The following CRYL1 variants were observed in gnomAD, a reference collection of about 807,000 sequenced individuals.
CRYL1 encodes the protein lambda-crystallin homolog.
In CRYL1, 29 loss-of-function variants were observed where a neutral mutation model predicts 36.6. The observed-to-expected ratio is 0.79, with a 90% CI of 0.59 to 1.08. The LOEUF (loss-of-function observed/expected upper bound fraction) is 1.08. Ranked by LOEUF, CRYL1 falls within the 50% of genes least tolerant of loss-of-function variation. The pLI is 0.00. For missense variants in CRYL1, 411 were observed against 407.9 expected (o/e 1.01, Z -0.06); for synonymous variants, 152 against 151.5 (o/e 1.00, Z -0.02).
chr13:20,506,989 C>T (rs958265512), intron 2 of CRYL1, among the ~76,000 whole-genome samples: 1 of 152,162 alleles, frequency 6.6e-6, no homozygotes, highest in Non-Finnish European at 1.5e-5. Context: ...ATTCTCATAA[C>T]AGTGAATAAG....
intron 3 of CRYL1, among the ~76,000 whole-genome samples, chr13:20,451,162 A>G (rs904689846): frequency 2.0e-4 from 30 of 152,146 alleles, no homozygotes; most frequent in Non-Finnish European, 4.4e-4. Context: ...ATACATATGT[A>G]ACAAACCTGC....
chr13:20,467,030 C>G lies in CRYL1; in HGVS notation c.276+22340G>C, dbSNP rs1472171933. 5.3e-5 allele frequency among the ~76,000 whole-genome samples: 8 copies of G among 151,694 alleles called. No individual in the cohort carries two copies. In the East Asian group the frequency reaches 1.5e-3, roughly 29 times the overall value. On this transcript the variant is annotated intron_variant, in intron 3 of 7. Transcript: ENST00000298248. ...TGGTGTGATCTTGGCTCACTGGAAG[C>G]TCTGCCTCCCGCGTTCACACCATTC...
rs1479133334 is a variant in CRYL1, at chr13:20,415,202, G to A, written c.634-1815C>T. Among the ~76,000 whole-genome samples the A allele has an allele frequency of 1.3e-5, 2 of 152,184 alleles. No individual in the cohort carries two copies. The highest frequency in any genetic ancestry group is 2.1e-4 in the South Asian group (1 of 4,838). ...CCAGAAGGCCGTCTCCAAGCTGGGG[G>A]CTTGCTCCGCCCGGAGGGCTCTGCG... On this transcript the variant is annotated intron_variant, in intron 5 of 7. Coordinates refer to ENST00000298248, the MANE Select transcript of CRYL1 (RefSeq NM_015974.3). This position sits in a 1 kb window ranked among gnomAD's most constrained non-coding sequence, Gnocchi z 4.1.
chr13:20,480,494 C>T (rs1042419936), intron 3 of CRYL1, among the ~76,000 whole-genome samples: 1 of 152,212 alleles, frequency 6.6e-6, no homozygotes, highest in Non-Finnish European at 1.5e-5. Context: ...GACCTTGAGC[C>T]AGGCTTCCTG....
At position 20,459,592 on chromosome 13, in the gene CRYL1, C is replaced by T. The variant is rs111618760; in HGVS notation, c.277-19838G>A. Among the ~76,000 whole-genome samples, 25 of 152,176 alleles carry T rather than the reference C, an allele frequency of 1.6e-4. No individual in the cohort carries two copies. The Middle Eastern group carries it at 0.01, about 62-fold the overall frequency. On this transcript the variant is annotated intron_variant, in intron 3 of 7. Transcript: ENST00000298248. ...GAGGCCATAATCCTAATTGAATTAACGCAGGAACAGAAAACTAAATACCAG... is the reference window on the plus strand; with the variant it reads ...GAGGCCATAATCCTAATTGAATTAATGCAGGAACAGAAAACTAAATACCAG...
intron 5 of CRYL1, chr13:20,419,212 A>G (rs1361477320): frequency 2.0e-5 from 3 of 152,276 alleles, no homozygotes; most frequent in Admixed American, 2.0e-4. Flanking sequence ...CTAGGGTACT[A>G]GACTATCCCT....
At chr13:20,507,497 A>C (rs551382084) in intron 2 of CRYL1, among the ~76,000 whole-genome samples, 31 of 152,340 alleles carry the variant, frequency 2.0e-4, no homozygotes, top group Middle Eastern at 3.4e-3. Context: ...TGACCTAATC[A>C]GAGATTCACG....
At chr13:20,470,839 G>A (rs71426016) in intron 3 of CRYL1, among the ~76,000 whole-genome samples, 2 of 150,042 alleles carry the variant, frequency 1.3e-5, no homozygotes, top group South Asian at 2.1e-4. Context: ...GAACCCAGGA[G>A]GCAGAGGTTG....
At chr13:20,459,173 T>C (rs1033236219) in intron 3 of CRYL1, among the ~76,000 whole-genome samples, 1 of 146,774 alleles carries the variant, frequency 6.8e-6, no homozygotes, top group Admixed American at 7.1e-5. Context: ...GAGGCGGAGC[T>C]TGCAGTAAGC....
chr13:20,411,391 G>A (rs2137364754), intron 6 of CRYL1, among the ~76,000 whole-genome samples: 1 of 152,100 alleles, frequency 6.6e-6, no homozygotes, highest in Admixed American at 6.5e-5. Context: ...GGTTTCATTG[G>A]CTTCTGTTTC....
At chr13:20,468,304 A>G (rs1174894552) in intron 3 of CRYL1, among the ~76,000 whole-genome samples, 1 of 152,116 alleles carries the variant, frequency 6.6e-6, no homozygotes, top group African/African-American at 2.4e-5. Context: ...ATTTTAGTTT[A>G]TTTTTAGAGA....
chr13:20,525,680 C>T lies in CRYL1; in HGVS notation c.41+74G>A. ...AGCGACCCGGCGCCCACCCCGAGGG[C>T]CCCACGCGAGGGCACCACGTCCCCG... On this transcript the variant is annotated intron_variant, in intron 1 of 7. Coordinates refer to ENST00000298248, the MANE Select transcript of CRYL1 (RefSeq NM_015974.3). The surrounding 1 kb of genome is among the most constrained non-coding windows in gnomAD (Gnocchi z 4.3). 8.1e-7 allele frequency: 1 copy of T among 1,234,340 alleles called. No homozygotes were observed. The highest frequency in any genetic ancestry group is 1.0e-6 in the Non-Finnish European group (1 of 963,652). The allele number at this position is 1,234,340 out of a possible 1,614,324, so 76.5% of individuals were successfully genotyped here.
intron 3 of CRYL1, among the ~76,000 whole-genome samples, chr13:20,486,558 C>T (rs553081349): frequency 6.7e-6 from 1 of 150,374 alleles, no homozygotes; most frequent in Non-Finnish European, 1.5e-5. Flanking sequence ...ACTATTCCTA[C>T]CCACTCCTTT....
intron 3 of CRYL1, among the ~76,000 whole-genome samples, chr13:20,485,685 TAGAAAAGAAA>T (rs11270599): frequency 2.3e-4 from 34 of 149,128 alleles, no homozygotes; most frequent in Non-Finnish European, 3.9e-4. Context: ...AAAAGAAAGA[TAGAAAAGAAA>T]AGAAAAGAAA....
intron 1 of CRYL1, chr13:20,515,668 C>A (rs1364695065): frequency 1.3e-5 from 2 of 152,010 alleles, no homozygotes; most frequent in Non-Finnish European, 2.9e-5. Flanking sequence ...GCACATTTTG[C>A]CAAATGAAAT....
At chr13:20,457,014 G>A (rs1054352177) in intron 3 of CRYL1, among the ~76,000 whole-genome samples, 3 of 152,158 alleles carry the variant, frequency 2.0e-5, no homozygotes, top group Non-Finnish European at 2.9e-5. Context: ...ACTGCCAGCA[G>A]GATATGAGTG....
At chr13:20,476,008 C>T (rs1454474623) in intron 3 of CRYL1, among the ~76,000 whole-genome samples, 3 of 152,176 alleles carry the variant, frequency 2.0e-5, no homozygotes, top group African/African-American at 7.2e-5. Flanking sequence ...CCCACGCACA[C>T]GGCAGTTCCG....
At chr13:20,505,217 C>T (rs2033770859) in intron 2 of CRYL1, among the ~76,000 whole-genome samples, 1 of 151,944 alleles carries the variant, frequency 6.6e-6, no homozygotes, top group Non-Finnish European at 1.5e-5. Flanking sequence ...ATCAGCCAGA[C>T]GTGGTGGCAC....
intron 6 of CRYL1, among the ~76,000 whole-genome samples, chr13:20,405,310 T>G (rs1476073922): frequency 6.6e-6 from 1 of 151,372 alleles, no homozygotes; most frequent in Non-Finnish European, 1.5e-5. Flanking sequence ...AGACCTTGCA[T>G]GCCACCTCTG....
Sources: gnomAD v4.1 joint callset for allele counts (sites outside exome capture counted in the v4.1 genomes callset) on GRCh38, gnomAD v4.1.1 for gene constraint, Gnocchi (gnomAD v3.1) non-coding constraint, MANE v1.5 for transcripts, NCBI Gene and HGNC (gene_info 2026-07-23, HGNC 2026-07-21) for gene names.